The following ATXN10 variants were observed in gnomAD, a reference collection of about 807,000 sequenced individuals.
ATXN10 encodes the protein ataxin-10.
Under a neutral mutation model 52.9 loss-of-function variants are expected in ATXN10, and 28 were observed. The ratio of observed to expected loss-of-function variants is 0.53; its 90% CI spans 0.39 to 0.73. The LOEUF (loss-of-function observed/expected upper bound fraction) is 0.73, where lower values mean the gene tolerates loss of function less well. Among genes scored for constraint, ATXN10 ranks in the 30% least tolerant of loss-of-function variants. The pLI, the probability that ATXN10 is intolerant of heterozygous loss-of-function variation, is 0.00. For missense variants in ATXN10, 565 were observed against 577.0 expected (o/e 0.98, Z 0.21); for synonymous variants, 226 against 221.5 (o/e 1.02, Z -0.18).
chr22:45,811,821 T>C (rs9614521), intron 10 of ATXN10: 23,724 of 469,378 alleles, frequency 0.051, 695 homozygotes, highest in Non-Finnish European at 0.06. Flanking sequence ...ATTCATTCAG[T>C]GTCATGATCT....
At position 45,818,964 on chromosome 22, in the gene ATXN10, C is replaced by G. The variant is rs1240281127; in HGVS notation, c.1237+11942C>G. On this transcript the variant is annotated intron_variant, in intron 10 of 11. Coordinates refer to ENST00000252934, the MANE Select transcript of ATXN10 (RefSeq NM_013236.4). The surrounding 1 kb of genome is among the most constrained non-coding windows in gnomAD (Gnocchi z 4.6). ...GGCTTCTTTGCATGCCTAAAACTTG[C>G]GTAGTCTGACACGTAGGGAAAACAT... Among the ~76,000 whole-genome samples the G allele has an allele frequency of 6.6e-6, 1 of 152,086 alleles. No individual in the cohort carries two copies. The highest frequency in any genetic ancestry group is 1.5e-5 in the Non-Finnish European group (1 of 68,032).
At chr22:45,685,794 TGGTG>T (rs1923112800) in intron 1 of ATXN10, among the ~76,000 whole-genome samples, 2 of 152,218 alleles carry the variant, frequency 1.3e-5, no homozygotes, top group Non-Finnish European at 2.9e-5. Flanking sequence ...TATAAAAATA[TGGTG>T]AATAGAAGCT....
At chr22:45,749,077 C>G (rs1925845877) in intron 9 of ATXN10, among the ~76,000 whole-genome samples, 1 of 152,140 alleles carries the variant, frequency 6.6e-6, no homozygotes, top group African/African-American at 2.4e-5. Context: ...TAACAGCGTA[C>G]TATTGTCGAT....
intron 10 of ATXN10, among the ~76,000 whole-genome samples, chr22:45,838,569 G>T (rs1929242711): frequency 6.6e-6 from 1 of 152,198 alleles, no homozygotes; most frequent in Non-Finnish European, 1.5e-5. Flanking sequence ...TTTAGAAGAT[G>T]TTTAATTTTC....
In ATXN10 at chr22:45,786,388, A is replaced by G. The variant is rs1927324545; in HGVS notation, c.1174-20571A>G. On this transcript the variant is annotated intron_variant, in intron 9 of 11. Coordinates refer to ENST00000252934, the MANE Select transcript of ATXN10 (RefSeq NM_013236.4). The surrounding 1 kb of genome is among the most constrained non-coding windows in gnomAD (Gnocchi z 4.1). ...TGGAGGTGTCATGGGGAGCAGGGTT[A>G]GTTTATGGGATGCAGTCTCTGACAT... is the stretch of plus-strand genomic sequence containing the variant. Among the ~76,000 whole-genome samples the G allele has an allele frequency of 6.6e-6, 1 of 152,134 alleles. No homozygotes were observed. The highest frequency in any genetic ancestry group is 1.5e-5 in the Non-Finnish European group (1 of 68,022).
At chr22:45,773,639 G>T (rs772645641) in intron 9 of ATXN10, among the ~76,000 whole-genome samples, 2 of 151,934 alleles carry the variant, frequency 1.3e-5, no homozygotes, top group Non-Finnish European at 2.9e-5. Flanking sequence ...TGTATTTTTA[G>T]TAGAGATGGG....
chr22:45,674,190 T>C (rs1172455956), intron 1 of ATXN10: 1 of 151,958 alleles, frequency 6.6e-6, no homozygotes, highest in Admixed American at 6.6e-5. Context: ...ATTAGGACAT[T>C]GTGGGGATGA....
At position 45,826,545 on chromosome 22, in the gene ATXN10, G is replaced by T. The variant is rs1928820338; in HGVS notation, c.1238-16446G>T. Among the ~76,000 whole-genome samples the T allele has an allele frequency of 6.6e-6, 1 of 152,194 alleles. No individual in the cohort carries two copies. Among genetic ancestry groups the T allele is most frequent in the Non-Finnish European group, 1.5e-5 (1 of 68,036 alleles). On this transcript the variant is annotated intron_variant, in intron 10 of 11. Transcript: ENST00000252934. The surrounding 1 kb of genome is among the most constrained non-coding windows in gnomAD (Gnocchi z 5.0). ...GAATCTTAAAAGCAGCAAGGAAGAA[G>T]CAGCCCATCACATGCAAGAGATAAT... is the stretch of plus-strand genomic sequence containing the variant.
At position 45,844,931 on chromosome 22, in the gene ATXN10, C is replaced by T. The variant is rs1436451139; in HGVS notation, c.*1260C>T. On this transcript the variant is annotated 3_prime_UTR_variant, in exon 12 of 12. Transcript: ENST00000252934. ...ATGTTGAGAATGAAGTAAAAGTTTTCCCATGTGCTGTCTAATGTACTCTGT... is the reference window on the plus strand; with the variant it reads ...ATGTTGAGAATGAAGTAAAAGTTTTTCCATGTGCTGTCTAATGTACTCTGT... The T allele has an allele frequency of 6.6e-6, 1 of 152,192 alleles. No individual in the cohort carries two copies. Among genetic ancestry groups the T allele is most frequent in the African/African-American group, 2.4e-5 (1 of 41,450 alleles). The allele number at this position is 152,192 out of a possible 1,614,324, so 9.4% of individuals were successfully genotyped here.
intron 5 of ATXN10, among the ~76,000 whole-genome samples, chr22:45,717,621 A>G (rs543548623): frequency 6.6e-6 from 1 of 152,312 alleles, no homozygotes; most frequent in African/African-American, 2.4e-5. Context: ...AGTGTATTGT[A>G]GTAGTTAATA....
At chr22:45,724,105 G>A (rs1256795200) in intron 6 of ATXN10, among the ~76,000 whole-genome samples, 2 of 151,932 alleles carry the variant, frequency 1.3e-5, no homozygotes, top group Admixed American at 1.3e-4. Context: ...TACTTACATT[G>A]GTTCTATATC....
rs142509774 is a variant in ATXN10 at position 45,787,360 on chromosome 22, C to T, written c.1174-19599C>T. On this transcript the variant is annotated intron_variant, in intron 9 of 11. Coordinates refer to ENST00000252934, the MANE Select transcript of ATXN10 (RefSeq NM_013236.4). The surrounding 1 kb of genome is among the most constrained non-coding windows in gnomAD (Gnocchi z 4.2). ...TCTCATTGACTCCAAAACTGGAGTT[C>T]GGACCTTTTTCCGTCTACCGCTGTG... 1.4e-4 allele frequency among the ~76,000 whole-genome samples: 22 copies of T among 152,184 alleles called. No homozygotes were observed. Among genetic ancestry groups the T allele is most frequent in the African/African-American group, 4.8e-4 (20 of 41,516 alleles).
chr22:45,700,337 C>T lies in ATXN10; in HGVS notation c.447C>T (p.Ser149=). 6.2e-7 allele frequency: 1 copy of T among 1,613,976 alleles called. No homozygotes were observed. Among genetic ancestry groups the T allele is most frequent in the Non-Finnish European group, 8.5e-7 (1 of 1,179,956 alleles). Residue 149 remains serine, a synonymous_variant, in exon 4 of 12, where the codon TCC becomes TCT. Coordinates refer to ENST00000252934, the MANE Select transcript of ATXN10 (RefSeq NM_013236.4). Reference sequence around the variant, plus strand: ...ACATTGCCTCACGGAATGAAGATTCCCAGTCTATTGTTTGGGTGCATGCTT... The same window carrying T: ...ACATTGCCTCACGGAATGAAGATTCTCAGTCTATTGTTTGGGTGCATGCTT... ...LGNIASRNED[S]QSIVWVHAFP... is the part of the protein sequence containing the mutation.
chr22:45,752,811 G>A (rs549747822), intron 9 of ATXN10, among the ~76,000 whole-genome samples: 19 of 151,686 alleles, frequency 1.3e-4, no homozygotes, highest in Middle Eastern at 3.4e-3. Context: ...CGATCTCGAC[G>A]CAACCTCCGC....
chr22:45,786,761 T>A lies in ATXN10; in HGVS notation c.1174-20198T>A, dbSNP rs1927336736. Among the ~76,000 whole-genome samples, 1 of 152,188 alleles carries A rather than the reference T, an allele frequency of 6.6e-6. No individual in the cohort carries two copies. The highest frequency in any genetic ancestry group is 1.5e-5 in the Non-Finnish European group (1 of 68,028). On this transcript the variant is annotated intron_variant, in intron 9 of 11. Coordinates refer to ENST00000252934, the MANE Select transcript of ATXN10 (RefSeq NM_013236.4). This position sits in a 1 kb window ranked among gnomAD's most constrained non-coding sequence, Gnocchi z 4.1. The stretch of plus-strand genomic sequence containing the variant: ...TTTTTACCTATCAAAAAAGCAACTT[T>A]AAAAATCTGCAGCATCAGTAATTAA...
intron 9 of ATXN10, among the ~76,000 whole-genome samples, chr22:45,791,147 T>G (rs1046112009): frequency 3.2e-4 from 48 of 152,346 alleles, no homozygotes; most frequent in African/African-American, 1.1e-3. Context: ...AAAACATTAC[T>G]GTTTTCCAGC....
rs149503147 is a variant in ATXN10 at position 45,736,704 on chromosome 22, A to G, written c.895-2027A>G. Among the ~76,000 whole-genome samples the G allele has an allele frequency of 7.3e-3, 1,108 of 152,310 alleles. 12 individuals carry two copies. Among genetic ancestry groups the G allele is most frequent in the African/African-American group, 0.019 (808 of 41,552 alleles). ...TTTACCTTGCATTTCCTGTGAATGA[A>G]AATTCGTTCCAGAGGCATATTCAGA... On this transcript the variant is annotated intron_variant, in intron 7 of 11. Transcript: ENST00000252934.
intron 6 of ATXN10, among the ~76,000 whole-genome samples, chr22:45,726,524 A>G (rs544955105): frequency 6.6e-6 from 1 of 152,182 alleles, no homozygotes; most frequent in East Asian, 1.9e-4. Context: ...TTCCGTTTCT[A>G]TTTGAGCTAA....
intron 10 of ATXN10, among the ~76,000 whole-genome samples, chr22:45,832,931 ATAGTC>A (rs1929040365): frequency 6.6e-6 from 1 of 152,232 alleles, no homozygotes; most frequent in South Asian, 2.1e-4. Flanking sequence ...TGGCTTTTAA[ATAGTC>A]TAAAGTGTTA....
Sources: allele counts gnomAD v4.1 joint callset (sites outside exome capture counted in the v4.1 genomes callset), GRCh38; gene constraint gnomAD v4.1.1; non-coding constraint Gnocchi (gnomAD v3.1); transcripts MANE v1.5; gene names NCBI Gene and HGNC (gene_info 2026-07-23, HGNC 2026-07-21).